TRIM15: variants seen among roughly 807,000 people sequenced by gnomAD.
TRIM15 encodes tripartite motif containing 15.
In TRIM15, 35 loss-of-function variants were observed where a neutral mutation model predicts 35.8. That is an observed-to-expected ratio of 0.98 (90% CI 0.75 to 1.30). The LOEUF (loss-of-function observed/expected upper bound fraction) is 1.30, where lower values mean the gene tolerates loss of function less well. Among genes scored for constraint, TRIM15 ranks in the 50% most tolerant of loss-of-function variants. The pLI is 0.00. For synonymous variants in TRIM15, 252 were observed against 249.8 expected, an observed-to-expected ratio of 1.01 and a Z score of -0.08; for missense variants, 590 against 593.5, an observed-to-expected ratio of 0.99 and a Z score of 0.06.
At position 30,163,777 on chromosome 6, in the gene TRIM15, T is replaced by G; in HGVS notation, c.93T>G (p.Cys31Trp). The change falls in exon 1 of 7, where the codon TGT becomes TGG. Residue 31 changes from cysteine (C) to tryptophan (W), a missense_variant. Physicochemically the swap from Cys to Trp is radical, Grantham distance 215. Coordinates refer to ENST00000376694, the MANE Select transcript of TRIM15 (RefSeq NM_033229.3). ...TGGAGGATGCGGTGACCATTCCCTG[T>G]GGACACACCTTCTGCCGGCTCTGCC... ...GPLEDAVTIPCGHTFCRLCLP... is the reference protein window; with the variant it reads ...GPLEDAVTIPWGHTFCRLCLP... 6.2e-7 allele frequency: 1 copy of G among 1,613,018 alleles called. No individual in the cohort carries two copies. Among genetic ancestry groups the G allele is most frequent in the South Asian group, 1.1e-5 (1 of 91,084 alleles).
In TRIM15 at chr6:30,169,246, C is replaced by G. The variant is rs1229240316; in HGVS notation, c.714C>G (p.Val238=). Residue 238 remains valine, a synonymous_variant, in exon 4 of 7, where the codon GTC becomes GTG. Coordinates refer to ENST00000376694, the MANE Select transcript of TRIM15 (RefSeq NM_033229.3). ...TTCTTGTCTTTCTTTTGCAGGATGT[C>G]AGAGTCAACCAGAGCAGGTAGGGCC... ...QQPASELLQD[V]RVNQSRCEMK... 4.3e-6 allele frequency: 7 copies of G among 1,613,044 alleles called. No individual in the cohort carries two copies. The African/African-American group carries it at 9.3e-5, about 22-fold the overall frequency.
At position 30,172,207 on chromosome 6, in the gene TRIM15, T is replaced by C; in HGVS notation, c.1256T>C (p.Leu419Pro). 1.2e-6 allele frequency: 2 copies of C among 1,611,502 alleles called. No individual in the cohort carries two copies. The highest frequency in any genetic ancestry group is 1.7e-6 in the Non-Finnish European group (2 of 1,179,408). Reference sequence around the variant, plus strand: ...ATCCCGCGCGGCGTGAGAGTCGCCCTGGACTACGAGGCGGGGCAGGTGACC... The same window carrying C: ...ATCCCGCGCGGCGTGAGAGTCGCCCCGGACTACGAGGCGGGGCAGGTGACC... ...SEIPRGVRVA[L>P]DYEAGQVTLH... is the part of the protein sequence containing the mutation. The change falls in exon 7 of 7, where the codon CTG becomes CCG. Residue 419 changes from leucine (L) to proline (P), a missense_variant. By Grantham distance (98) the Leu-to-Pro change is moderately conservative (BLOSUM62 -3). Transcript: ENST00000376694.
At position 30,172,641 on chromosome 6, in the gene TRIM15, G is replaced by T. The variant is rs763096944; in HGVS notation, c.*292G>T. On this transcript the variant is annotated 3_prime_UTR_variant, in exon 7 of 7. Coordinates refer to ENST00000376694, the MANE Select transcript of TRIM15 (RefSeq NM_033229.3). ...CCAACCTAGGAGCCAGCGGGCTTTC[G>T]GGGAAAAAAAAGAAAAAGACATCTA... 6.3e-6 allele frequency: 4 copies of T among 634,936 alleles called. No individual in the cohort carries two copies. Among genetic ancestry groups the T allele is most frequent in the Non-Finnish European group, 1.1e-5 (4 of 350,594 alleles). The allele number at this position is 634,936 out of a possible 1,614,324, so 39.3% of individuals were successfully genotyped here. A position where few individuals can be genotyped will look rare whatever the true frequency, so the allele number is the denominator to read the frequency against.
At position 30,163,786 on chromosome 6, in the gene TRIM15, C is replaced by A; in HGVS notation, c.102C>A (p.Thr34=). 1 of 1,612,982 alleles carries A rather than the reference C, an allele frequency of 6.2e-7. No individual in the cohort carries two copies. The highest frequency in any genetic ancestry group is 8.5e-7 in the Non-Finnish European group (1 of 1,180,012). ...CGGTGACCATTCCCTGTGGACACAC[C>A]TTCTGCCGGCTCTGCCTCCCCGCGC... The part of the protein sequence containing the change: ...EDAVTIPCGH[T]FCRLCLPALS... The change falls in exon 1 of 7, where the codon ACC becomes ACA. Residue 34 remains threonine (T), a synonymous_variant. Coordinates refer to ENST00000376694, the MANE Select transcript of TRIM15 (RefSeq NM_033229.3).
chr6:30,169,339 G>A, intron 4 of TRIM15, 76 bp downstream of exon 4: 2 of 1,568,382 alleles, frequency 1.3e-6, no homozygotes, highest in South Asian at 1.1e-5. Flanking sequence ...GGCACTTACT[G>A]CCACCCACTT....
In TRIM15 at chr6:30,169,257, A is replaced by G; in HGVS notation, c.725A>G (p.Gln242Arg). ...CTTTTGCAGGATGTCAGAGTCAACCAGAGCAGGTAGGGCCCACTCCCCGGT... is the reference window on the plus strand; with the variant it reads ...CTTTTGCAGGATGTCAGAGTCAACCGGAGCAGGTAGGGCCCACTCCCCGGT... ...SELLQDVRVNQSRCEMKTFVS... is the reference protein window; with the variant it reads ...SELLQDVRVNRSRCEMKTFVS... Residue 242 changes from glutamine (Q) to arginine (R), a missense_variant, in exon 4 of 7, where the codon CAG becomes CGG. By Grantham distance (43) the Gln-to-Arg change is conservative (BLOSUM62 1). Coordinates refer to ENST00000376694, the MANE Select transcript of TRIM15 (RefSeq NM_033229.3). 1 of 1,613,200 alleles carries G rather than the reference A, an allele frequency of 6.2e-7. No homozygotes were observed. The highest frequency in any genetic ancestry group is 8.5e-7 in the Non-Finnish European group (1 of 1,180,032).
rs1206497350 is a variant in TRIM15 at position 30,167,264 on chromosome 6, T to G, written c.470T>G (p.Val157Gly). Residue 157 changes from valine (V) to glycine (G), a missense_variant, in exon 2 of 7, where the codon GTG becomes GGG. Transcript: ENST00000376694. ...VKCQEDQKLQ[V>G]LLTQIESKKH... ...TGTCAAGAAGACCAGAAGCTTCAAG[T>G]GCTGCTGGTACAGGCCACGTCACTG... 9 of 1,612,050 alleles carry G rather than the reference T, an allele frequency of 5.6e-6. No individual in the cohort carries two copies. In the South Asian group the frequency reaches 8.8e-5, roughly 16 times the overall value.
At position 30,163,571 on chromosome 6, in the gene TRIM15, T is replaced by TCTCTC; in HGVS notation, c.-114_-113insCTCTC. 4 of 1,313,082 alleles carry TCTCTC rather than the reference T, an allele frequency of 3.0e-6. No individual in the cohort carries two copies. Among genetic ancestry groups the TCTCTC allele is most frequent in the Non-Finnish European group, 4.1e-6 (4 of 972,368 alleles). 81.3% of individuals were successfully genotyped at this position (1,313,082 alleles called of 1,614,324 possible). On this transcript the variant is annotated 5_prime_UTR_variant, in exon 1 of 7. Transcript: ENST00000376694. ...CTCTCTCTTTCTCTCTCTCTGTCTCTTAGCCTTGCAGCCGTTTCCCTCTGC... is the reference window on the plus strand; with the variant it reads ...CTCTCTCTTTCTCTCTCTCTGTCTCTCTCTCTAGCCTTGCAGCCGTTTCCCTCTGC...
At chr6:30,168,000 G>A (rs150214787) in intron 2 of TRIM15, among the ~76,000 whole-genome samples, 155 of 152,312 alleles carry the variant, frequency 1.0e-3, no homozygotes, top group African/African-American at 3.6e-3. Flanking sequence ...CTAACTCTAA[G>A]AAGGCATAGT....
intron 5 of TRIM15, 28 bp downstream of exon 5, chr6:30,170,644 C>T (rs1179965564): frequency 4.5e-6 from 7 of 1,565,356 alleles, no homozygotes; most frequent in Non-Finnish European, 6.1e-6. Flanking sequence ...ACAGTTTTCC[C>T]CAGTCCCATT....
rs1417503198 is a variant in TRIM15 at position 30,172,525 on chromosome 6, T to C, written c.*176T>C. On this transcript the variant is annotated 3_prime_UTR_variant, in exon 7 of 7. Coordinates refer to ENST00000376694, the MANE Select transcript of TRIM15 (RefSeq NM_033229.3). The stretch of plus-strand genomic sequence containing the variant: ...TATTTATCTTAGGCCCTCAGCTCCC[T>C]GACGTCCTGAGCCTCCCTGTGACGC... 2 of 940,526 alleles carry C rather than the reference T, an allele frequency of 2.1e-6. No homozygotes were observed. The highest frequency in any genetic ancestry group is 3.2e-6 in the Non-Finnish European group (2 of 623,570). 58.3% of individuals were successfully genotyped at this position (940,526 alleles called of 1,614,324 possible).
At chr6:30,168,213 G>C in intron 2 of TRIM15, 87 bp from the exon 3 acceptor site, 1 of 1,187,514 alleles carries the variant, frequency 8.4e-7, no homozygotes, top group Non-Finnish European at 1.2e-6. Flanking sequence ...CCCTATCCCT[G>C]TTAATCAATA....
intron 1 of TRIM15, among the ~76,000 whole-genome samples, chr6:30,164,911 C>T (rs1000806121): frequency 1.1e-4 from 16 of 152,152 alleles, no homozygotes; most frequent in African/African-American, 3.9e-4. Flanking sequence ...CCGGCCTCAT[C>T]GCTCAGCCTC....
At chr6:30,165,024 T>C (rs1449177933) in intron 1 of TRIM15, among the ~76,000 whole-genome samples, 1 of 152,180 alleles carries the variant, frequency 6.6e-6, no homozygotes. Flanking sequence ...GCACATAGTC[T>C]CTTCCTCCTA....
Position 30,172,112 on chromosome 6 carries a change from G to C in TRIM15, c.1161G>C (p.Trp387Cys), listed in dbSNP as rs750583658. Residue 387 changes from tryptophan (W) to cysteine (C), a missense_variant, in exon 7 of 7, where the codon TGG becomes TGC. Trp to Cys is a radical substitution (Grantham distance 215, BLOSUM62 -2). Coordinates refer to ENST00000376694, the MANE Select transcript of TRIM15 (RefSeq NM_033229.3). ...EMGLSAEDGV[W>C]AVIISHQQCW... ...GACTCAGCGCCGAGGACGGCGTCTG[G>C]GCCGTGATCATCTCGCACCAGCAGT... The C allele has an allele frequency of 1.3e-6, 2 of 1,579,560 alleles. No homozygotes were observed. Among genetic ancestry groups the C allele is most frequent in the Admixed American group, 3.7e-5 (2 of 54,494 alleles).
chr6:30,165,792 A>G (rs1773555748), intron 1 of TRIM15, among the ~76,000 whole-genome samples: 1 of 152,198 alleles, frequency 6.6e-6, no homozygotes, highest in African/African-American at 2.4e-5. Flanking sequence ...AATGATCACC[A>G]TTCTAACTGG....
intron 3 of TRIM15, 102 bp from the exon 4 acceptor site, chr6:30,169,139 G>C: frequency 7.6e-7 from 1 of 1,322,264 alleles, no homozygotes; most frequent in Non-Finnish European, 1.1e-6. Flanking sequence ...CTCTGCAGAA[G>C]GAGAGTTTTG....
chr6:30,169,234 T>A lies in TRIM15; in HGVS notation c.709-7T>A. The A allele has an allele frequency of 2.5e-6, 4 of 1,613,200 alleles. No homozygotes were observed. The highest frequency in any genetic ancestry group is 2.2e-5 in the East Asian group (1 of 44,886). ...ACTAAATGTATGTTCTTGTCTTTCT[T>A]TTGCAGGATGTCAGAGTCAACCAGA... On this transcript the variant is annotated splice_region_variant and splice_polypyrimidine_tract_variant and intron_variant, in intron 3 of 6. Transcript: ENST00000376694.
In TRIM15 at chr6:30,163,939, G is replaced by T. The variant is rs1002106446; in HGVS notation, c.255G>T (p.Glu85Asp). The T allele has an allele frequency of 1.9e-6, 3 of 1,613,022 alleles. No homozygotes were observed. Among genetic ancestry groups the T allele is most frequent in the African/African-American group, 1.3e-5 (1 of 74,942 alleles). Residue 85 changes from glutamate (E) to aspartate (D), a missense_variant, in exon 1 of 7, where the codon GAG (glutamate) becomes GAT (aspartate). Coordinates refer to ENST00000376694, the MANE Select transcript of TRIM15 (RefSeq NM_033229.3). ...CGCTGGGAGAAACTTACTGCGAGGA[G>T]CACGGCGAGAAGATCTACTTCTTCT... is the stretch of plus-strand genomic sequence containing the variant. Reference protein sequence around the residue: ...LGPLGETYCEEHGEKIYFFCE... With the variant: ...LGPLGETYCEDHGEKIYFFCE...
Sources: gnomAD v4.1 joint callset for allele counts (sites outside exome capture counted in the v4.1 genomes callset) on GRCh38, gnomAD v4.1.1 for gene constraint, MANE v1.5 for transcripts, NCBI Gene and HGNC (gene_info 2026-07-23, HGNC 2026-07-21) for gene names.